RAB5IF: variants seen among roughly 807,000 people sequenced by gnomAD.
The protein encoded by RAB5IF is RAB5 interacting factor.
A neutral mutation model predicts 20.3 loss-of-function variants in RAB5IF; 15 were observed. The observed-to-expected ratio is 0.74, with a 90% confidence interval of 0.50 to 1.14. The LOEUF is 1.14. Ranked by LOEUF, RAB5IF falls within the 50% of genes most tolerant of loss-of-function variation. The pLI, the probability that RAB5IF is intolerant of heterozygous loss-of-function variation, is 0.00. For synonymous variants in RAB5IF, 67 were observed against 63.7 expected (o/e 1.05, Z -0.25); for missense variants, 148 against 159.5 (o/e 0.93, Z 0.39).
intron 2 of RAB5IF, among the ~76,000 whole-genome samples, chr20:36,609,043 T>G (rs1332964011): frequency 6.6e-6 from 1 of 151,716 alleles, no homozygotes; most frequent in Non-Finnish European, 1.5e-5. Flanking sequence ...GCTTCACATG[T>G]TTTTCTCCCA....
chr20:36,609,256 C>CACACACACACACACACTA (rs1555790839), intron 2 of RAB5IF, among the ~76,000 whole-genome samples: 14 of 121,662 alleles, frequency 1.2e-4, no homozygotes, highest in South Asian at 2.6e-4. Flanking sequence ...CACACACACA[C>CACACACACACACACACTA]TATATATAGA....
chr20:36,611,073 T>G (rs1291091293), intron 3 of RAB5IF, among the ~76,000 whole-genome samples: 1 of 152,194 alleles, frequency 6.6e-6, no homozygotes, highest in Non-Finnish European at 1.5e-5. Context: ...CACTGCAGCC[T>G]CTGCCTCCCA....
intron 3 of RAB5IF, 72 bp downstream of exon 3, chr20:36,609,802 A>C: frequency 1.2e-6 from 2 of 1,613,534 alleles, no homozygotes; most frequent in Non-Finnish European, 1.7e-6. Context: ...AGGGGACCCC[A>C]CTGATTGAGT....
At chr20:36,607,452 A>G (rs1385650263) in intron 1 of RAB5IF, among the ~76,000 whole-genome samples, 1 of 150,842 alleles carries the variant, frequency 6.6e-6, no homozygotes, top group Non-Finnish European at 1.5e-5. Context: ...CTGGTCTTGA[A>G]CTCCTGACAT....
rs1187054939 is a variant in RAB5IF at position 36,606,060 on chromosome 20, G to C, written c.109G>C (p.Asp37His). 2.7e-6 allele frequency: 4 copies of C among 1,496,820 alleles called. No individual in the cohort carries two copies. Among genetic ancestry groups the C allele is most frequent in the Non-Finnish European group, 3.6e-6 (4 of 1,115,504 alleles). The allele number at this position is 1,496,820 out of a possible 1,614,324, so 92.7% of individuals were successfully genotyped here. A position where few individuals can be genotyped will look rare whatever the true frequency, so the allele number is the denominator to read the frequency against. Residue 37 changes from aspartate (D) to histidine (H), a missense_variant, in exon 1 of 4, where the codon GAT (aspartate) becomes CAT (histidine). Coordinates refer to ENST00000344795, the MANE Select transcript of RAB5IF (RefSeq NM_018840.5). ...GCTGCGGAGCGACGCGGCCTGGGAG[G>C]ATAAGGTACGGTGGAGTCTGAACAG... ...KVLRSDAAWE[D>H]KDEFLDVIYW...
chr20:36,606,199 T>A (rs1193219794), intron 1 of RAB5IF, 134 bp downstream of exon 1: 5 of 504,746 alleles, frequency 9.9e-6, no homozygotes, highest in Non-Finnish European at 1.7e-5. Context: ...GGCCCAAGGG[T>A]GTCAGAGCAA....
chr20:36,609,334 G>T (rs1452075956), intron 2 of RAB5IF, among the ~76,000 whole-genome samples: 1 of 150,978 alleles, frequency 6.6e-6, no homozygotes, highest in Non-Finnish European at 1.5e-5. Flanking sequence ...TCCGCCTCTG[G>T]GTTCAAGCAG....
At chr20:36,606,461 C>T (rs941630947) in intron 1 of RAB5IF, among the ~76,000 whole-genome samples, 11 of 152,208 alleles carry the variant, frequency 7.2e-5, no homozygotes, top group African/African-American at 2.7e-4. Context: ...TAACAGACTT[C>T]TGCTGAGAAT....
rs1568595416 is a variant in RAB5IF, at chr20:36,609,190, C to CAGAACTATATTACATACAT, written c.219-410_219-409insGAACTATATTACATACATA. Among the ~76,000 whole-genome samples the CAGAACTATATTACATACAT allele has an allele frequency of 8.2e-4, 43 of 52,128 alleles. 1 individual carries two copies. The highest frequency in any genetic ancestry group is 1.1e-3 in the Admixed American group (6 of 5,242). 34.2% of individuals were successfully genotyped at this position (52,128 alleles called of 152,430 possible). On this transcript the variant is annotated intron_variant, in intron 2 of 3. Coordinates refer to ENST00000344795, the MANE Select transcript of RAB5IF (RefSeq NM_018840.5). ...ACACACACACACACACACACACACACACACGCACACACGCACACACGCACA... is the reference window on the plus strand; with the variant it reads ...ACACACACACACACACACACACACACAGAACTATATTACATACATACACGCACACACGCACACACGCACA...
chr20:36,610,689 G>A (rs1410073794), intron 3 of RAB5IF, among the ~76,000 whole-genome samples: 3 of 147,974 alleles, frequency 2.0e-5, no homozygotes, highest in Non-Finnish European at 4.4e-5. Context: ...AACAGAGCGA[G>A]ACTCCGTCTC....
chr20:36,612,424 A>T lies in RAB5IF; in HGVS notation c.*373A>T. ...CGGGTGTAGAGTTTTTAAACTATCA[A>T]TGGCATTTCAAGTCTTCTGAAACAG... is the stretch of plus-strand genomic sequence containing the variant. On this transcript the variant is annotated 3_prime_UTR_variant, in exon 4 of 4. Transcript: ENST00000344795. 2 of 610,486 alleles carry T rather than the reference A, an allele frequency of 3.3e-6. No individual in the cohort carries two copies. Among genetic ancestry groups the T allele is most frequent in the Non-Finnish European group, 5.8e-6 (2 of 347,616 alleles). The allele number at this position is 610,486 out of a possible 1,614,324, so 37.8% of individuals were successfully genotyped here. A position where few individuals can be genotyped will look rare whatever the true frequency, so the allele number is the denominator to read the frequency against.
chr20:36,609,985 T>TA (rs1472534428), intron 3 of RAB5IF, among the ~76,000 whole-genome samples: 1 of 152,114 alleles, frequency 6.6e-6, no homozygotes, highest in Non-Finnish European at 1.5e-5. Context: ...CCTGGCTAGA[T>TA]ATTAGAAACT....
rs11473535 is a variant in RAB5IF at position 36,608,089 on chromosome 20, C to CAT, written c.218+271_218+272insAT. On this transcript the variant is annotated intron_variant, in intron 2 of 3. Transcript: ENST00000344795. Reference sequence around the variant, plus strand: ...AGTGACCTCATGCAAGAGGCTATGACTACTTGTTCGTGGCATGCACTCTAG... The same window carrying CAT: ...AGTGACCTCATGCAAGAGGCTATGACATTACTTGTTCGTGGCATGCACTCTAG... 5,070 of 679,648 alleles carry CAT rather than the reference C, an allele frequency of 7.5e-3. 221 individuals carry two copies. In the African/African-American group the frequency reaches 0.086, roughly 12 times the overall value. The allele number at this position is 679,648 out of a possible 1,614,324, so 42.1% of individuals were successfully genotyped here.
At chr20:36,607,086 TTAAA>T (rs2038951718) in intron 1 of RAB5IF, among the ~76,000 whole-genome samples, 1 of 152,170 alleles carries the variant, frequency 6.6e-6, no homozygotes, top group African/African-American at 2.4e-5. Flanking sequence ...TCCATTAAAC[TTAAA>T]TATAGTGGCA....
At chr20:36,607,861 TTAAA>T (rs2038971634) in intron 2 of RAB5IF, 43 bp downstream of exon 2, 3 of 1,610,190 alleles carry the variant, frequency 1.9e-6, no homozygotes, top group African/African-American at 1.3e-5. Flanking sequence ...TCATTTCTTT[TTAAA>T]TAGAGGCTTT....
At chr20:36,606,137 G>A in intron 1 of RAB5IF, 72 bp downstream of exon 1, 1 of 970,480 alleles carries the variant, frequency 1.0e-6, no homozygotes, top group Non-Finnish European at 1.5e-6. Context: ...GACTGGCGCG[G>A]GCCTGCCCTC....
At chr20:36,608,662 C>G (rs1324005612) in intron 2 of RAB5IF, among the ~76,000 whole-genome samples, 1 of 149,584 alleles carries the variant, frequency 6.7e-6, no homozygotes. Flanking sequence ...CTCTCAGGTT[C>G]AAGCAATTCT....
chr20:36,611,902 G>A, intron 3 of RAB5IF, 108 bp from the exon 4 acceptor site: 1 of 1,423,158 alleles, frequency 7.0e-7, no homozygotes, highest in Non-Finnish European at 9.8e-7. Context: ...GCAACGGATA[G>A]CCCCTGGAGA....
Position 36,612,252 on chromosome 20 carries a change from G to A in RAB5IF, c.*201G>A, listed in dbSNP as rs780730489. 1.2e-4 allele frequency: 199 copies of A among 1,603,242 alleles called. No individual in the cohort carries two copies. Among genetic ancestry groups the A allele is most frequent in the Non-Finnish European group, 1.6e-4 (193 of 1,170,332 alleles). ...TTTTTAAAAACCACCCACCTTTGGGGAAGCATTTCTGAATTTATCCATCAC... is the reference window on the plus strand; with the variant it reads ...TTTTTAAAAACCACCCACCTTTGGGAAAGCATTTCTGAATTTATCCATCAC... On this transcript the variant is annotated 3_prime_UTR_variant, in exon 4 of 4. Coordinates refer to ENST00000344795, the MANE Select transcript of RAB5IF (RefSeq NM_018840.5).
Sources: allele counts gnomAD v4.1 joint callset (sites outside exome capture counted in the v4.1 genomes callset), GRCh38; gene constraint gnomAD v4.1.1; transcripts MANE v1.5; gene names NCBI Gene and HGNC (gene_info 2026-07-23, HGNC 2026-07-21).